Variants in USH2A observed in about 807,000 individuals in gnomAD.
USH2A encodes usherin.
In USH2A, 443 loss-of-function variants were observed where a neutral mutation model predicts 538.9. The ratio of observed to expected loss-of-function variants is 0.82; its 90% confidence interval spans 0.76 to 0.89. USH2A has a LOEUF of 0.89. Among genes scored for constraint, USH2A ranks in the 40% least tolerant of loss-of-function variants. The pLI, the probability that USH2A is intolerant of heterozygous loss-of-function variation, is 0.00. For synonymous variants in USH2A, 2,413 were observed against 2,273.5 expected (o/e 1.06, Z -1.75); for missense variants, 6,633 against 6,324.8 (o/e 1.05, Z -1.65).
At chr1:215,998,764 C>G (rs28588034) in intron 34 of USH2A, 123 bp downstream of exon 34, 2 of 1,037,930 alleles carry the variant, frequency 1.9e-6, no homozygotes, top group African/African-American at 3.3e-5. Context: ...TCAGTATAAA[C>G]AGCAATACAT....
intron 11 of USH2A, among the ~76,000 whole-genome samples, chr1:216,258,779 A>G (rs992785988): frequency 6.6e-6 from 1 of 152,120 alleles, no homozygotes; most frequent in African/African-American, 2.4e-5. Context: ...TATCATTTCA[A>G]GCAGGAGGAT....
At chr1:215,945,723 A>G (rs17042187) in intron 37 of USH2A, among the ~76,000 whole-genome samples, 4,887 of 152,218 alleles carry the variant, frequency 0.032, 122 homozygotes, top group South Asian at 0.083. Context: ...ATAGATGTCA[A>G]TAAAAATATT....
At chr1:215,740,159 TA>T (rs1047333873) in intron 60 of USH2A, among the ~76,000 whole-genome samples, 3 of 152,194 alleles carry the variant, frequency 2.0e-5, no homozygotes, top group Admixed American at 6.5e-5. Context: ...TCACTTTCTC[TA>T]TTTTTTCTCT....
chr1:216,262,726 A>G (rs1273102017), intron 11 of USH2A, among the ~76,000 whole-genome samples: 1 of 152,088 alleles, frequency 6.6e-6, no homozygotes, highest in Non-Finnish European at 1.5e-5. Flanking sequence ...CAGGAAGCTC[A>G]AAAGTTCCCA....
chr1:216,008,604 C>T (rs1351330183), intron 32 of USH2A, among the ~76,000 whole-genome samples: 1 of 152,118 alleles, frequency 6.6e-6, no homozygotes, highest in African/African-American at 2.4e-5. Context: ...AGATCAATCC[C>T]CTGTCCTCCT....
At chr1:216,068,104 A>G (rs2031438056) in intron 30 of USH2A, among the ~76,000 whole-genome samples, 2 of 152,208 alleles carry the variant, frequency 1.3e-5, no homozygotes, top group Non-Finnish European at 2.9e-5. Flanking sequence ...GTTACTGTGG[A>G]GAATGCTGAA....
At chr1:216,408,125 C>T (rs931577658) in intron 3 of USH2A, among the ~76,000 whole-genome samples, 22 of 152,090 alleles carry the variant, frequency 1.4e-4, no homozygotes, top group African/African-American at 5.1e-4. Context: ...CTTCAAATAT[C>T]AGTTTTCATG....
intron 11 of USH2A, among the ~76,000 whole-genome samples, chr1:216,275,648 CT>C (rs1169724334): frequency 6.6e-6 from 1 of 151,958 alleles, no homozygotes; most frequent in Non-Finnish European, 1.5e-5. Flanking sequence ...TAAAAAGTAA[CT>C]TTATAAAATA....
At chr1:216,231,705 G>A (rs2102521526) in intron 14 of USH2A, among the ~76,000 whole-genome samples, 1 of 151,998 alleles carries the variant, frequency 6.6e-6, no homozygotes, top group East Asian at 2.0e-4. Context: ...ATGCCACCTT[G>A]CCCAGCTAAT....
chr1:216,236,919 C>A (rs1032156437), intron 13 of USH2A, among the ~76,000 whole-genome samples: 1 of 152,174 alleles, frequency 6.6e-6, no homozygotes, highest in African/African-American at 2.4e-5. Context: ...GAAAGGCCCT[C>A]ATTAACATAT....
At chr1:215,817,704 G>A (rs562841000) in intron 47 of USH2A, among the ~76,000 whole-genome samples, 71 of 151,788 alleles carry the variant, frequency 4.7e-4, no homozygotes, top group Non-Finnish European at 8.7e-4. Context: ...CTTTCTTTCC[G>A]CTAAACATGA....
Position 216,089,438 on chromosome 1 carries a change from G to A in USH2A, c.4759-299C>T, listed in dbSNP as rs537849166. 3.9e-5 allele frequency among the ~76,000 whole-genome samples: 6 copies of A among 152,032 alleles called. No individual in the cohort carries two copies. In the East Asian group the frequency reaches 1.2e-3, roughly 29 times the overall value. On this transcript the variant is annotated intron_variant, in intron 22 of 71. Transcript: ENST00000307340. ...TGATGAATATAGCTATTCATCAGAA[G>A]GGTAAAGAATTTTCTATTCTAAAAT...
chr1:215,817,644 T>G (rs1662896219), intron 47 of USH2A, among the ~76,000 whole-genome samples: 1 of 151,962 alleles, frequency 6.6e-6, no homozygotes, highest in African/African-American at 2.4e-5. Flanking sequence ...CTATGGAGGT[T>G]CCTAGGAAAT....
At position 216,324,259 on chromosome 1, in the gene USH2A, G is replaced by T. The variant is rs2037681391; in HGVS notation, c.1237C>A (p.Gln413Lys). ...KENSLDWEDWQYFARNCGAFG... is the reference protein window; with the variant it reads ...KENSLDWEDWKYFARNCGAFG... ...GCACCACAATTCCTGGCAAAATATT[G>T]CCAGTCCTCCCAATCTAAACTATTT... Residue 413 changes from glutamine to lysine, a missense_variant, in exon 7 of 72, where the codon CAA becomes AAA. Physicochemically the swap from Gln to Lys is moderately conservative, Grantham distance 53. Transcript: ENST00000307340. The T allele has an allele frequency of 6.2e-7, 1 of 1,613,222 alleles. No individual in the cohort carries two copies. The highest frequency in any genetic ancestry group is 1.3e-5 in the African/African-American group (1 of 74,970).
intron 13 of USH2A, among the ~76,000 whole-genome samples, chr1:216,234,856 A>G (rs1297192872): frequency 1.3e-5 from 2 of 152,048 alleles, no homozygotes; most frequent in South Asian, 4.1e-4. Context: ...TCACAGAAAA[A>G]TCAGAAGTAC....
At chr1:216,023,115 T>C (rs1668877680) in intron 32 of USH2A, among the ~76,000 whole-genome samples, 1 of 152,106 alleles carries the variant, frequency 6.6e-6, no homozygotes, top group South Asian at 2.1e-4. Context: ...TTAGAACTAA[T>C]GAGACTTATT....
At chr1:215,729,594 T>C (rs1271410629) in intron 60 of USH2A, among the ~76,000 whole-genome samples, 1 of 151,918 alleles carries the variant, frequency 6.6e-6, no homozygotes, top group Non-Finnish European at 1.5e-5. Flanking sequence ...AATAACATGA[T>C]AAGTAATATA....
At chr1:216,202,500 T>G (rs1342385811) in intron 16 of USH2A, among the ~76,000 whole-genome samples, 1 of 151,972 alleles carries the variant, frequency 6.6e-6, no homozygotes, top group African/African-American at 2.4e-5. Context: ...GTTAAAAGAG[T>G]GCTTATCTCA....
intron 30 of USH2A, among the ~76,000 whole-genome samples, chr1:216,063,412 G>A (rs1357438493): frequency 6.6e-6 from 1 of 152,094 alleles, no homozygotes; most frequent in Non-Finnish European, 1.5e-5. Context: ...TCTTCACAAT[G>A]AAAAGTCCAC....
Sources: gnomAD v4.1 joint callset for allele counts (sites outside exome capture counted in the v4.1 genomes callset) on GRCh38, gnomAD v4.1.1 for gene constraint, MANE v1.5 for transcripts, NCBI Gene and HGNC (gene_info 2026-07-23, HGNC 2026-07-21) for gene names.